The following INIP variants were observed in gnomAD, a reference collection of about 807,000 sequenced individuals.
INIP encodes SOSS complex subunit C.
In INIP, 9 loss-of-function variants were observed where a neutral mutation model predicts 14.0. The observed-to-expected ratio is 0.64, with a 90% CI of 0.39 to 1.12. The LOEUF is 1.12. Among genes scored for constraint, INIP ranks in the 50% most tolerant of loss-of-function variants. The pLI, the probability that INIP is intolerant of heterozygous loss-of-function variation, is 0.01. For synonymous variants in INIP, 37 were observed against 41.5 expected (o/e 0.89, Z 0.41); for missense variants, 78 against 122.7 (o/e 0.64, Z 1.72).
chr9:112,704,103 C>G (rs1453507454), intron 2 of INIP, among the ~76,000 whole-genome samples: 2 of 152,032 alleles, frequency 1.3e-5, no homozygotes, highest in African/African-American at 4.8e-5. Context: ...AGGGTAGTTA[C>G]AAAGAATTGT....
intron 2 of INIP, among the ~76,000 whole-genome samples, chr9:112,697,486 G>C (rs1227504373): frequency 1.3e-5 from 2 of 152,202 alleles, no homozygotes; most frequent in African/African-American, 4.8e-5. Context: ...GGGAGGCTGA[G>C]GCAGGAGGAT....
intron 2 of INIP, among the ~76,000 whole-genome samples, chr9:112,713,132 T>TA (rs1838698659): frequency 6.6e-6 from 1 of 152,196 alleles, no homozygotes; most frequent in Non-Finnish European, 1.5e-5. Flanking sequence ...ACCCAATTTT[T>TA]AAAAAATGAG....
chr9:112,688,720 G>A (rs888599421), intron 4 of INIP, among the ~76,000 whole-genome samples: 3 of 152,148 alleles, frequency 2.0e-5, no homozygotes, highest in South Asian at 4.1e-4. Flanking sequence ...GCATGTGCCT[G>A]TAGTCCCAGC....
At chr9:112,715,133 T>TACATAC (rs767980765) in intron 2 of INIP, among the ~76,000 whole-genome samples, 12 of 133,520 alleles carry the variant, frequency 9.0e-5, no homozygotes, top group South Asian at 5.4e-4. Flanking sequence ...CATACATACA[T>TACATAC]ACACACACAC....
chr9:112,710,196 C>T (rs936178538), intron 2 of INIP, among the ~76,000 whole-genome samples: 1 of 152,148 alleles, frequency 6.6e-6, no homozygotes, highest in Non-Finnish European at 1.5e-5. Flanking sequence ...TTCCCAGGAG[C>T]CTTGCCATTC....
rs1362848162 is a variant in INIP, at chr9:112,685,439, G to A, written c.*2099C>T. Reference sequence around the variant, plus strand: ...ATCTGTAGGTATTAATAAATACATAGGAAATTGAATTGAATTTGTAACTCA... The same window carrying A: ...ATCTGTAGGTATTAATAAATACATAAGAAATTGAATTGAATTTGTAACTCA... On this transcript the variant is annotated 3_prime_UTR_variant, in exon 5 of 5. Coordinates refer to ENST00000374242, the MANE Select transcript of INIP (RefSeq NM_021218.3). 3.9e-5 allele frequency: 6 copies of A among 151,962 alleles called. No individual in the cohort carries two copies. Among genetic ancestry groups the A allele is most frequent in the Admixed American group, 3.9e-4 (6 of 15,242 alleles). 9.4% of individuals were successfully genotyped at this position (151,962 alleles called of 1,614,324 possible). A position where few individuals can be genotyped will look rare whatever the true frequency, so the allele number is the denominator to read the frequency against.
intron 4 of INIP, among the ~76,000 whole-genome samples, chr9:112,688,802 C>A (rs1837775810): frequency 6.6e-6 from 1 of 152,126 alleles, no homozygotes; most frequent in Admixed American, 6.6e-5. Context: ...ATGATGGCAC[C>A]ATTGCACTCC....
At chr9:112,689,467 GC>G (rs1837799138) in intron 4 of INIP, 59 bp downstream of exon 4, 1 of 1,269,936 alleles carries the variant, frequency 7.9e-7, no homozygotes, top group Non-Finnish European at 1.1e-6. Context: ...ATAACTATGT[GC>G]CGGCTTCTGA....
At chr9:112,701,575 G>C (rs1203005813) in intron 2 of INIP, among the ~76,000 whole-genome samples, 1 of 152,144 alleles carries the variant, frequency 6.6e-6, no homozygotes, top group East Asian at 1.9e-4. Context: ...GGAATCCAAA[G>C]GTGAGTTCTT....
At chr9:112,701,503 C>T (rs571925205) in intron 2 of INIP, among the ~76,000 whole-genome samples, 3 of 152,120 alleles carry the variant, frequency 2.0e-5, no homozygotes, top group Non-Finnish European at 2.9e-5. Flanking sequence ...TTACATAATA[C>T]GAATTAAGGT....
intron 2 of INIP, among the ~76,000 whole-genome samples, chr9:112,707,331 T>C (rs976753315): frequency 1.2e-4 from 17 of 137,618 alleles, no homozygotes; most frequent in Admixed American, 1.1e-3. Context: ...TGTTTCAAAC[T>C]TTTTTTTTTT....
Position 112,687,215 on chromosome 9 carries a change from C to A in INIP, c.*323G>T. ...ATGATTCTTGAAAATCTACTGTGGA[C>A]ATGATATATTCAGTCAAACTTGCTA... On this transcript the variant is annotated 3_prime_UTR_variant, in exon 5 of 5. Coordinates refer to ENST00000374242, the MANE Select transcript of INIP (RefSeq NM_021218.3). 5.1e-6 allele frequency: 1 copy of A among 197,568 alleles called. No homozygotes were observed. The highest frequency in any genetic ancestry group is 5.8e-5 in the Admixed American group (1 of 17,254). The allele number at this position is 197,568 out of a possible 1,614,324, so 12.2% of individuals were successfully genotyped here. A position where few individuals can be genotyped will look rare whatever the true frequency, so the allele number is the denominator to read the frequency against.
At chr9:112,687,724 C>A (rs777889265) in intron 4 of INIP, 91 bp from the exon 5 acceptor site, 40 of 605,820 alleles carry the variant, frequency 6.6e-5, no homozygotes, top group African/African-American at 1.1e-4. Context: ...TTTCTGAATG[C>A]TTGAGACCAA....
intron 2 of INIP, among the ~76,000 whole-genome samples, chr9:112,708,951 C>T (rs1407481793): frequency 6.6e-6 from 1 of 151,638 alleles, no homozygotes; most frequent in Admixed American, 6.6e-5. Context: ...CTATATCTTG[C>T]AAGATTAAAA....
rs963472294 is a variant in INIP, at chr9:112,685,145, A to G, written c.*2393T>C. 1.3e-5 allele frequency: 2 copies of G among 152,180 alleles called. No homozygotes were observed. The highest frequency in any genetic ancestry group is 4.8e-5 in the African/African-American group (2 of 41,316). The allele number at this position is 152,180 out of a possible 1,614,324, so 9.4% of individuals were successfully genotyped here. On this transcript the variant is annotated 3_prime_UTR_variant, in exon 5 of 5. Coordinates refer to ENST00000374242, the MANE Select transcript of INIP (RefSeq NM_021218.3). ...CACTCTGTTGCCAAGTTGTGCAATC[A>G]TGGCCCACTGCAGCCTCAACCTCCC...
At chr9:112,695,791 AGGG>A (rs1213319941) in intron 2 of INIP, among the ~76,000 whole-genome samples, 36 of 99,660 alleles carry the variant, frequency 3.6e-4, no homozygotes, top group East Asian at 3.1e-4. Context: ...GGGGAGGGGG[AGGG>A]GGAGGAGGAG....
chr9:112,713,820 GTTTCTACAAA>G, intron 2 of INIP, among the ~76,000 whole-genome samples: 1 of 152,102 alleles, frequency 6.6e-6, no homozygotes, highest in South Asian at 2.1e-4. Flanking sequence ...GTGAAACCCC[GTTTCTACAAA>G]AAAATTAGCC....
rs576729055 is a variant in INIP at position 112,685,032 on chromosome 9, A to C, written c.*2506T>G. On this transcript the variant is annotated 3_prime_UTR_variant, in exon 5 of 5. Coordinates refer to ENST00000374242, the MANE Select transcript of INIP (RefSeq NM_021218.3). ...AAATCACATGAATACTTCTAAGCCT[A>C]GCCAGACCGCACTGCGTTCCAGGAT... 1 of 152,250 alleles carries C rather than the reference A, an allele frequency of 6.6e-6. No individual in the cohort carries two copies. The highest frequency in any genetic ancestry group is 2.4e-5 in the African/African-American group (1 of 41,536). The allele number at this position is 152,250 out of a possible 1,614,324, so 9.4% of individuals were successfully genotyped here.
chr9:112,689,945 C>T (rs914004126), intron 3 of INIP, among the ~76,000 whole-genome samples: 4 of 152,056 alleles, frequency 2.6e-5, no homozygotes, highest in African/African-American at 9.7e-5. Context: ...TATAGTAAAT[C>T]TCTTAAAGAG....
Sources: allele counts gnomAD v4.1 joint callset (sites outside exome capture counted in the v4.1 genomes callset), GRCh38; gene constraint gnomAD v4.1.1; transcripts MANE v1.5; gene names NCBI Gene and HGNC (gene_info 2026-07-23, HGNC 2026-07-21).